Variants in PGAP1 observed in about 807,000 individuals in gnomAD.
The protein encoded by PGAP1 is post-GPI attachment to proteins inositol deacylase 1.
In PGAP1, 76 loss-of-function variants were observed where a neutral mutation model predicts 127.0. The observed-to-expected ratio is 0.60, with a 90% CI of 0.50 to 0.72. The LOEUF (loss-of-function observed/expected upper bound fraction) is 0.72, where lower values mean the gene tolerates loss of function less well. Among genes scored for constraint, PGAP1 ranks in the 30% least tolerant of loss-of-function variants. PGAP1 has a pLI of 0.00. For synonymous variants in PGAP1, 362 were observed against 366.5 expected, an observed-to-expected ratio of 0.99 and a Z score of 0.14; for missense variants, 982 against 1,071.3, an observed-to-expected ratio of 0.92 and a Z score of 1.16.
intron 18 of PGAP1, 75 bp downstream of exon 18, chr2:196,872,366 G>C (rs537084725): frequency 3.0e-6 from 3 of 1,007,178 alleles, no homozygotes; most frequent in Admixed American, 2.2e-5. Flanking sequence ...CCATATATCT[G>C]AAGCTTATAT....
chr2:196,847,844 C>A, intron 21 of PGAP1, 103 bp downstream of exon 21: 1 of 824,496 alleles, frequency 1.2e-6, no homozygotes, highest in Admixed American at 3.5e-5. Flanking sequence ...TGAAACAAGT[C>A]AACTGCCAAA....
At chr2:196,905,405 A>C (rs1338871423) in intron 4 of PGAP1, among the ~76,000 whole-genome samples, 3 of 152,254 alleles carry the variant, frequency 2.0e-5, no homozygotes, top group African/African-American at 7.2e-5. Context: ...GACTTCTACA[A>C]GCAAAGTTTT....
rs1700201558 is a variant in PGAP1 at position 196,835,031 on chromosome 2, A to G, written c.*6203T>C. 1 of 152,028 alleles carries G rather than the reference A, an allele frequency of 6.6e-6. No homozygotes were observed. The allele number at this position is 152,028 out of a possible 1,614,324, so 9.4% of individuals were successfully genotyped here. On this transcript the variant is annotated 3_prime_UTR_variant, in exon 27 of 27. Coordinates refer to ENST00000354764, the MANE Select transcript of PGAP1 (RefSeq NM_024989.4). ...GGGCAGAGAAATACTTAGTAATATT[A>G]AATTATGGGGAAAACTATAATATGA...
intron 1 of PGAP1, chr2:196,922,297 A>C: frequency 8.6e-7 from 1 of 1,159,802 alleles, no homozygotes; most frequent in Non-Finnish European, 1.1e-6. Context: ...GTAAACTTAA[A>C]CTGAAAAATA....
At chr2:196,881,406 A>G (rs1701726189) in intron 12 of PGAP1, among the ~76,000 whole-genome samples, 1 of 152,154 alleles carries the variant, frequency 6.6e-6, no homozygotes, top group African/African-American at 2.4e-5. Context: ...ACTAGGTCAA[A>G]TGGTATTTCT....
At position 196,834,513 on chromosome 2, in the gene PGAP1, A is replaced by ATG. The variant is rs1700184423; in HGVS notation, c.*6720_*6721insCA. On this transcript the variant is annotated 3_prime_UTR_variant, in exon 27 of 27. Transcript: ENST00000354764. ...GTTCAAGGTCACAGTGATGATATAT[A>ATG]TTCAATTTTGGTCTGGTTTCTCATG... 2.0e-5 allele frequency: 3 copies of ATG among 152,478 alleles called. No individual in the cohort carries two copies. The South Asian group carries it at 6.2e-4, about 32-fold the overall frequency. 9.4% of individuals were successfully genotyped at this position (152,478 alleles called of 1,614,324 possible).
At chr2:196,869,236 G>A (rs1701336078) in intron 19 of PGAP1, among the ~76,000 whole-genome samples, 1 of 152,146 alleles carries the variant, frequency 6.6e-6, no homozygotes, top group African/African-American at 2.4e-5. Flanking sequence ...ATATGGATAA[G>A]AGAATATGTT....
In PGAP1 at chr2:196,834,751, T is replaced by TA. The variant is rs1420199665; in HGVS notation, c.*6482dup. ...GTATTCCAACAAATACATATTTGATTATATAGAAAGCATGATTATGTTAAA... is the reference window on the plus strand; with the variant it reads ...GTATTCCAACAAATACATATTTGATTAATATAGAAAGCATGATTATGTTAAA... On this transcript the variant is annotated 3_prime_UTR_variant, in exon 27 of 27. Coordinates refer to ENST00000354764, the MANE Select transcript of PGAP1 (RefSeq NM_024989.4). 1.3e-5 allele frequency: 2 copies of TA among 151,946 alleles called. No homozygotes were observed. The highest frequency in any genetic ancestry group is 4.8e-5 in the African/African-American group (2 of 41,426). 9.4% of individuals were successfully genotyped at this position (151,946 alleles called of 1,614,324 possible).
At chr2:196,915,387 T>C (rs1053094640) in intron 3 of PGAP1, among the ~76,000 whole-genome samples, 2 of 152,226 alleles carry the variant, frequency 1.3e-5, no homozygotes, top group South Asian at 2.1e-4. Context: ...TCTTGAACTC[T>C]AGCCTTGAAC....
At chr2:196,849,261 ATTTTTTT>A (rs747641877) in intron 20 of PGAP1, among the ~76,000 whole-genome samples, 47 of 135,990 alleles carry the variant, frequency 3.5e-4, no homozygotes, top group East Asian at 2.9e-3. Flanking sequence ...TGTCAGAATA[ATTTTTTT>A]TTTTTTTTTT....
intron 1 of PGAP1, among the ~76,000 whole-genome samples, chr2:196,926,030 G>T (rs1703348107): frequency 6.6e-6 from 1 of 152,098 alleles, no homozygotes; most frequent in African/African-American, 2.4e-5. Context: ...GAATTTAGGC[G>T]CGTGGGAAGC....
rs1013804656 is a variant in PGAP1 at position 196,838,046 on chromosome 2, C to G, written c.*3188G>C. 6.6e-6 allele frequency: 1 copy of G among 151,916 alleles called. No individual in the cohort carries two copies. The highest frequency in any genetic ancestry group is 2.4e-5 in the African/African-American group (1 of 41,352). The allele number at this position is 151,916 out of a possible 1,614,324, so 9.4% of individuals were successfully genotyped here. On this transcript the variant is annotated 3_prime_UTR_variant, in exon 27 of 27. Coordinates refer to ENST00000354764, the MANE Select transcript of PGAP1 (RefSeq NM_024989.4). Reference sequence around the variant, plus strand: ...TTTAATTTCTGGCATAAAAAAGATCCAGGAAAAAAAACAGTGTTAGCAATC... The same window carrying G: ...TTTAATTTCTGGCATAAAAAAGATCGAGGAAAAAAAACAGTGTTAGCAATC...
At chr2:196,879,921 G>C (rs1701679917) in intron 13 of PGAP1, among the ~76,000 whole-genome samples, 155 bp downstream of exon 13, 1 of 152,116 alleles carries the variant, frequency 6.6e-6, no homozygotes, top group East Asian at 1.9e-4. Flanking sequence ...GTTCAAGTTA[G>C]AGTAGATGAT....
intron 1 of PGAP1, among the ~76,000 whole-genome samples, chr2:196,924,877 T>C (rs566244354): frequency 6.6e-6 from 1 of 152,314 alleles, no homozygotes; most frequent in African/African-American, 2.4e-5. Context: ...TCAATAATTG[T>C]AGGAAATCTA....
At chr2:196,888,336 T>C (rs924325645) in intron 10 of PGAP1, among the ~76,000 whole-genome samples, 5 of 152,198 alleles carry the variant, frequency 3.3e-5, no homozygotes, top group African/African-American at 1.2e-4. Context: ...GATCATGCTG[T>C]CACCACTGAG....
chr2:196,847,496 A>G (rs1191095083), intron 21 of PGAP1: 1 of 202,942 alleles, frequency 4.9e-6, no homozygotes, highest in African/African-American at 2.4e-5. Flanking sequence ...GTTAGTTGTA[A>G]TGATGGAAAA....
At chr2:196,885,569 ACAC>A in intron 11 of PGAP1, 94 bp from the exon 12 acceptor site, 4 of 921,976 alleles carry the variant, frequency 4.3e-6, no homozygotes, top group Non-Finnish European at 6.7e-6. Context: ...AACCATCTCT[ACAC>A]CTAGTAGAGA....
intron 4 of PGAP1, 137 bp downstream of exon 4, chr2:196,912,745 G>T: frequency 1.6e-6 from 1 of 619,566 alleles, no homozygotes; most frequent in Non-Finnish European, 2.6e-6. Context: ...ACTCAGAATT[G>T]GAGGTGCTGA....
chr2:196,898,683 G>A (rs1452283204), intron 5 of PGAP1, among the ~76,000 whole-genome samples: 2 of 152,106 alleles, frequency 1.3e-5, no homozygotes, highest in Non-Finnish European at 2.9e-5. Flanking sequence ...TTACTCTAAT[G>A]AGAGACAAGT....
Sources: allele counts gnomAD v4.1 joint callset (sites outside exome capture counted in the v4.1 genomes callset), GRCh38; gene constraint gnomAD v4.1.1; transcripts MANE v1.5; gene names NCBI Gene and HGNC (gene_info 2026-07-23, HGNC 2026-07-21).